Variants in SPATS2 observed in about 807,000 individuals in gnomAD.
SPATS2 encodes spermatogenesis-associated serine-rich protein 2.
A neutral mutation model predicts 63.7 loss-of-function variants in SPATS2; 38 were observed. The observed-to-expected ratio is 0.60, with a 90% CI of 0.46 to 0.78. The LOEUF (loss-of-function observed/expected upper bound fraction) is 0.78, where lower values mean the gene tolerates loss of function less well. SPATS2 is among the 30% of genes least tolerant of loss of function. The pLI is 0.00. For missense variants in SPATS2, 588 were observed against 666.2 expected (o/e 0.88, Z 1.29); for synonymous variants, 207 against 232.9 (o/e 0.89, Z 1.01).
intron 2 of SPATS2, among the ~76,000 whole-genome samples, chr12:49,422,608 A>G (rs1945002598): frequency 6.6e-6 from 1 of 152,190 alleles, no homozygotes; most frequent in Non-Finnish European, 1.5e-5. Context: ...GTAAGCATTC[A>G]ATAAAGATTA....
chr12:49,509,699 C>T lies in SPATS2; in HGVS notation c.840-4856C>T, dbSNP rs1838882478. Among the ~76,000 whole-genome samples the T allele has an allele frequency of 3.3e-5, 5 of 151,718 alleles. No homozygotes were observed. In the South Asian group the frequency reaches 1.0e-3, roughly 32 times the overall value. On this transcript the variant is annotated intron_variant, in intron 9 of 13. Transcript: ENST00000552918. ...GGCATGAGTGGTGCACACCTGTAATCCCAGCTACTCGGGAGGCTGAGGCAC... is the reference window on the plus strand; with the variant it reads ...GGCATGAGTGGTGCACACCTGTAATTCCAGCTACTCGGGAGGCTGAGGCAC...
chr12:49,381,112 C>T (rs1037752104), intron 2 of SPATS2, among the ~76,000 whole-genome samples: 1 of 151,990 alleles, frequency 6.6e-6, no homozygotes, highest in Non-Finnish European at 1.5e-5. Flanking sequence ...AGTGGTATCT[C>T]GTGCTTTTTA....
At chr12:49,450,700 T>C (rs1945606149) in intron 2 of SPATS2, among the ~76,000 whole-genome samples, 1 of 152,036 alleles carries the variant, frequency 6.6e-6, no homozygotes, top group Non-Finnish European at 1.5e-5. Context: ...TGCGTCACCA[T>C]GCCCAGCTAA....
chr12:49,518,508 G>C (rs1204828316), intron 10 of SPATS2, among the ~76,000 whole-genome samples: 1 of 152,146 alleles, frequency 6.6e-6, no homozygotes, highest in African/African-American at 2.4e-5. Context: ...AGGTGATCCA[G>C]ATGTATTAAT....
intron 3 of SPATS2, chr12:49,463,394 CAG>C (rs1456823094): frequency 1.6e-5 from 2 of 127,046 alleles, no homozygotes; most frequent in African/African-American, 3.0e-5. Flanking sequence ...GCCTGGGCAA[CAG>C]AGAGAGACTC....
At chr12:49,371,623 C>T (rs763274379) in intron 2 of SPATS2, among the ~76,000 whole-genome samples, 23 of 152,132 alleles carry the variant, frequency 1.5e-4, no homozygotes, top group Non-Finnish European at 2.8e-4. Context: ...GTTGAATTGG[C>T]TCATGGTTCT....
At chr12:49,490,951 G>A (rs145958098) in intron 6 of SPATS2, 7 of 423,696 alleles carry the variant, frequency 1.7e-5, no homozygotes, top group East Asian at 8.7e-5. Flanking sequence ...AGACTAGCCC[G>A]GCCAACATGG....
chr12:49,486,768 G>C (rs1318242634), intron 4 of SPATS2, among the ~76,000 whole-genome samples: 7 of 148,300 alleles, frequency 4.7e-5, no homozygotes, highest in Non-Finnish European at 1.0e-4. Context: ...GCGACAGAGC[G>C]AGACTCCGTC....
chr12:49,503,856 G>A (rs973034027), intron 9 of SPATS2, among the ~76,000 whole-genome samples: 1 of 152,136 alleles, frequency 6.6e-6, no homozygotes, highest in Non-Finnish European at 1.5e-5. Flanking sequence ...GCCAGGAGGA[G>A]CCTCCTTCAA....
At chr12:49,472,655 A>T (rs556333562) in intron 3 of SPATS2, among the ~76,000 whole-genome samples, 24 of 148,506 alleles carry the variant, frequency 1.6e-4, no homozygotes, top group African/African-American at 5.4e-4. Flanking sequence ...TTATTATATT[A>T]TTCAGTCTCT....
intron 2 of SPATS2, among the ~76,000 whole-genome samples, chr12:49,403,594 TAC>T (rs5798102): frequency 0.16 from 20,802 of 128,146 alleles, 1,635 homozygotes; most frequent in Non-Finnish European, 0.2. Flanking sequence ...TGCCACTGTC[TAC>T]ACACACACAC....
chr12:49,518,991 C>G, intron 10 of SPATS2, 82 bp from the exon 11 acceptor site: 1 of 1,109,340 alleles, frequency 9.0e-7, no homozygotes, highest in East Asian at 2.6e-5. Context: ...TGACCAAATA[C>G]CTACTGCAAG....
chr12:49,460,836 A>G lies in SPATS2; in HGVS notation c.-177A>G, dbSNP rs1945809256. ...TTCCTGACAAGAAGTTGATACAAGAAAAGGAAAGGAGATTAACAGCTAGTG... is the reference window on the plus strand; with the variant it reads ...TTCCTGACAAGAAGTTGATACAAGAGAAGGAAAGGAGATTAACAGCTAGTG... On this transcript the variant is annotated 5_prime_UTR_variant, in exon 3 of 14. Transcript: ENST00000552918. The G allele has an allele frequency of 3.1e-6, 2 of 641,976 alleles. No individual in the cohort carries two copies. The highest frequency in any genetic ancestry group is 5.6e-6 in the Non-Finnish European group (2 of 355,368). The allele number at this position is 641,976 out of a possible 1,614,324, so 39.8% of individuals were successfully genotyped here. A position where few individuals can be genotyped will look rare whatever the true frequency, so the allele number is the denominator to read the frequency against.
intron 2 of SPATS2, among the ~76,000 whole-genome samples, chr12:49,416,644 G>A (rs951280234): frequency 1.1e-4 from 17 of 152,058 alleles, no homozygotes; most frequent in Admixed American, 2.0e-4. Flanking sequence ...GACCACGCCC[G>A]ACTAATTTTT....
chr12:49,426,205 CTTT>C (rs1218019445), intron 2 of SPATS2, among the ~76,000 whole-genome samples: 1 of 146,306 alleles, frequency 6.8e-6, no homozygotes, highest in African/African-American at 2.5e-5. Context: ...TTTTGGTAAA[CTTT>C]TTTTTTTTTG....
intron 2 of SPATS2, among the ~76,000 whole-genome samples, chr12:49,441,298 A>G (rs1040264892): frequency 2.6e-5 from 4 of 152,122 alleles, no homozygotes; most frequent in Admixed American, 6.6e-5. Flanking sequence ...TAAATCTGCT[A>G]TTTATCAAAT....
chr12:49,434,494 G>A (rs181848066), intron 2 of SPATS2, among the ~76,000 whole-genome samples: 3 of 152,126 alleles, frequency 2.0e-5, no homozygotes, highest in Admixed American at 6.6e-5. Flanking sequence ...TGTCTCTCTT[G>A]CTCATCTCCT....
chr12:49,374,275 C>G (rs1425074206), intron 2 of SPATS2, among the ~76,000 whole-genome samples: 1 of 152,094 alleles, frequency 6.6e-6, no homozygotes, highest in Non-Finnish European at 1.5e-5. Context: ...ACTGCAGGCA[C>G]ACACCATGGC....
chr12:49,453,856 CTTTTTTTTTTTT>C (rs869155580), intron 2 of SPATS2, among the ~76,000 whole-genome samples: 5 of 76,202 alleles, frequency 6.6e-5, no homozygotes, highest in African/African-American at 1.6e-4. Flanking sequence ...AAATAGCATT[CTTTTTTTTTTTT>C]TTTTTTTTTT....
Sources: gnomAD v4.1 joint callset for allele counts (sites outside exome capture counted in the v4.1 genomes callset) on GRCh38, gnomAD v4.1.1 for gene constraint, MANE v1.5 for transcripts, NCBI Gene and HGNC (gene_info 2026-07-23, HGNC 2026-07-21) for gene names.